Variants in EEFSEC observed in about 807,000 individuals in gnomAD.
EEFSEC encodes the protein selenocysteine-specific elongation factor.
Under a neutral mutation model 42.1 loss-of-function variants are expected in EEFSEC, and 43 were observed. The ratio of observed to expected loss-of-function variants is 1.02; its 90% CI spans 0.80 to 1.32. The LOEUF (loss-of-function observed/expected upper bound fraction) is 1.32, where lower values mean the gene tolerates loss of function less well. Among genes scored for constraint, EEFSEC ranks in the 40% most tolerant of loss-of-function variants. EEFSEC has a pLI of 0.00. For synonymous variants in EEFSEC, 354 were observed against 339.1 expected, an observed-to-expected ratio of 1.04 and a Z score of -0.48; for missense variants, 745 against 803.6, an observed-to-expected ratio of 0.93 and a Z score of 0.88.
intron 4 of EEFSEC, among the ~76,000 whole-genome samples, chr3:128,265,157 G>A (rs1398945437): frequency 5.9e-5 from 9 of 152,210 alleles, no homozygotes; most frequent in Non-Finnish European, 8.8e-5. Context: ...TCTGGACGCT[G>A]TACGTCAGGG....
intron 2 of EEFSEC, among the ~76,000 whole-genome samples, chr3:128,252,587 T>C (rs1269183762): frequency 3.9e-5 from 6 of 152,212 alleles, no homozygotes; most frequent in African/African-American, 1.4e-4. Context: ...GGCTTGACTA[T>C]TGAGAAAAGT....
At chr3:128,422,367 C>A in the EEFSEC span, among the ~76,000 whole-genome samples, 15,575 of 152,218 alleles carry the variant, frequency 0.1, 1,290 homozygotes, top group East Asian at 0.37. Context: ...GATCATGGCT[C>A]CCCGGGGTCA....
intron 4 of EEFSEC, among the ~76,000 whole-genome samples, chr3:128,279,890 T>G (rs781622270): frequency 6.6e-6 from 1 of 152,330 alleles, no homozygotes; most frequent in East Asian, 1.9e-4. Context: ...CACACTGTTC[T>G]TATACCAAGA....
chr3:128,256,866 C>T (rs1247427219), intron 2 of EEFSEC, among the ~76,000 whole-genome samples: 1 of 152,178 alleles, frequency 6.6e-6, no homozygotes. Flanking sequence ...GCTTCAGCCT[C>T]TTAAGAAGCT....
intron 6 of EEFSEC, among the ~76,000 whole-genome samples, chr3:128,394,721 G>C (rs1576699913): frequency 6.6e-6 from 1 of 152,280 alleles, no homozygotes; most frequent in South Asian, 2.1e-4. Context: ...GCCAGCCTTG[G>C]GGGGCTGTCT....
chr3:128,222,743 A>G (rs1293154054), intron 1 of EEFSEC, among the ~76,000 whole-genome samples: 3 of 152,256 alleles, frequency 2.0e-5, no homozygotes, highest in Admixed American at 6.5e-5. Flanking sequence ...GGCTTGATTT[A>G]TGGGTGGGGC....
chr3:128,252,560 AG>A (rs1481813848), intron 2 of EEFSEC, among the ~76,000 whole-genome samples: 2 of 152,118 alleles, frequency 1.3e-5, no homozygotes, highest in Non-Finnish European at 2.9e-5. Flanking sequence ...GTTTCCTAAG[AG>A]GTAGGTTTTG....
At chr3:128,400,069 C>A (rs191436062) in intron 6 of EEFSEC, among the ~76,000 whole-genome samples, 101 of 152,292 alleles carry the variant, frequency 6.6e-4, no homozygotes, top group Non-Finnish European at 1.1e-3. Context: ...TCTGCCCTTG[C>A]CAGGTTCCCC....
chr3:128,382,323 G>A (rs115063328), intron 6 of EEFSEC, among the ~76,000 whole-genome samples: 120 of 152,380 alleles, frequency 7.9e-4, no homozygotes, highest in Non-Finnish European at 1.4e-3. Context: ...AGAGCAGGGA[G>A]CGTGCAGGGA....
At chr3:128,244,700 C>A (rs2066108802) in intron 1 of EEFSEC, among the ~76,000 whole-genome samples, 1 of 152,186 alleles carries the variant, frequency 6.6e-6, no homozygotes. Flanking sequence ...TCATTAGTTT[C>A]TTTTGCATTC....
At chr3:128,166,593 G>C (rs1291226480) in intron 1 of EEFSEC, among the ~76,000 whole-genome samples, 2 of 152,066 alleles carry the variant, frequency 1.3e-5, no homozygotes, top group African/African-American at 2.4e-5. Context: ...ATGTGATTTG[G>C]TTATAAGAAC....
At chr3:128,199,800 C>G (rs1362554328) in intron 1 of EEFSEC, among the ~76,000 whole-genome samples, 1 of 152,158 alleles carries the variant, frequency 6.6e-6, no homozygotes, top group East Asian at 1.9e-4. Flanking sequence ...GTGGCAAGAT[C>G]TTGGCTCACT....
Position 128,236,999 on chromosome 3 carries a change from G to A in EEFSEC, c.317-9837G>A, listed in dbSNP as rs530565241. On this transcript the variant is annotated intron_variant, in intron 1 of 6. Coordinates refer to ENST00000254730, the MANE Select transcript of EEFSEC (RefSeq NM_021937.5). The stretch of plus-strand genomic sequence containing the variant: ...CTGTTGTCTGTCTGGCCTCTCAAGT[G>A]TGCCAGCCACCAACTCTACGTCTGG... Among the ~76,000 whole-genome samples the A allele has an allele frequency of 1.1e-4, 16 of 152,356 alleles. No homozygotes were observed. The South Asian group carries it at 3.3e-3, about 32-fold the overall frequency.
At chr3:128,209,239 C>T (rs1042216983) in intron 1 of EEFSEC, among the ~76,000 whole-genome samples, 4 of 152,172 alleles carry the variant, frequency 2.6e-5, no homozygotes, top group South Asian at 2.1e-4. Context: ...TTCGGTGTAT[C>T]GTGAATCTTA....
intron 5 of EEFSEC, among the ~76,000 whole-genome samples, chr3:128,347,280 A>C (rs2067323935): frequency 6.6e-6 from 1 of 152,012 alleles, no homozygotes; most frequent in Admixed American, 6.6e-5. Flanking sequence ...AAAAAGAAGA[A>C]GAGGGAGCTT....
intron 1 of EEFSEC, among the ~76,000 whole-genome samples, chr3:128,157,202 T>C (rs1944396429): frequency 1.3e-5 from 2 of 152,210 alleles, no homozygotes; most frequent in Non-Finnish European, 1.5e-5. Flanking sequence ...TCTTCAATTC[T>C]ATGAAGGCTG....
At chr3:128,182,569 C>T (rs2065419940) in intron 1 of EEFSEC, among the ~76,000 whole-genome samples, 1 of 151,100 alleles carries the variant, frequency 6.6e-6, no homozygotes, top group African/African-American at 2.4e-5. Context: ...AATAGTTTCC[C>T]CTCATTCTTT....
intron 6 of EEFSEC, among the ~76,000 whole-genome samples, chr3:128,393,050 G>C (rs2067935458): frequency 6.6e-6 from 1 of 152,254 alleles, no homozygotes; most frequent in Non-Finnish European, 1.5e-5. Context: ...AGGAGCAGGA[G>C]GTGGCAGCTT....
intron 4 of EEFSEC, among the ~76,000 whole-genome samples, chr3:128,330,924 TC>T (rs2067122092): frequency 2.9e-5 from 1 of 34,532 alleles, no homozygotes; most frequent in African/African-American, 2.5e-4. Context: ...CTTCCCCCCT[TC>T]CTCAGTGCAT....
Sources: allele counts gnomAD v4.1 joint callset (sites outside exome capture counted in the v4.1 genomes callset), GRCh38; gene constraint gnomAD v4.1.1; transcripts MANE v1.5; gene names NCBI Gene and HGNC (gene_info 2026-07-23, HGNC 2026-07-21).